CFAP20DC: variants seen among roughly 807,000 people sequenced by gnomAD.
CFAP20DC encodes the protein CFAP20 domain containing, also known as protein CFAP20DC.
A neutral mutation model predicts 101.7 loss-of-function variants in CFAP20DC; 84 were observed. The ratio of observed to expected loss-of-function variants is 0.83; its 90% CI spans 0.69 to 0.99. The LOEUF (loss-of-function observed/expected upper bound fraction) is 0.99, where lower values mean the gene tolerates loss of function less well. Ranked by LOEUF, CFAP20DC falls within the 50% of genes least tolerant of loss-of-function variation. The pLI, the probability that CFAP20DC is intolerant of heterozygous loss-of-function variation, is 0.00. For missense variants in CFAP20DC, 1,007 were observed against 970.3 expected, an observed-to-expected ratio of 1.04 and a Z score of -0.50; for synonymous variants, 359 against 351.2, an observed-to-expected ratio of 1.02 and a Z score of -0.25.
chr3:58,820,818 A>G (rs1460862477), intron 14 of CFAP20DC, among the ~76,000 whole-genome samples: 4 of 148,848 alleles, frequency 2.7e-5, no homozygotes, highest in African/African-American at 1.0e-4. Context: ...GGAACCAAAA[A>G]AGAGCCCGCA....
intron 13 of CFAP20DC, among the ~76,000 whole-genome samples, chr3:58,842,843 G>C (rs1180215527): frequency 6.6e-6 from 1 of 152,216 alleles, no homozygotes; most frequent in Admixed American, 6.5e-5. Flanking sequence ...CTCCTCAAGT[G>C]GGTCCCTGAC....
intron 4 of CFAP20DC, among the ~76,000 whole-genome samples, chr3:58,972,911 C>G (rs1211255142): frequency 1.3e-5 from 2 of 152,124 alleles, no homozygotes; most frequent in African/African-American, 4.8e-5. Context: ...AAGTATAATA[C>G]AGTACACAGC....
Position 58,862,934 on chromosome 3 carries a change from AT to A in CFAP20DC, c.1593+623del, listed in dbSNP as rs1021398498. 1.4e-5 allele frequency: 14 copies of A among 971,474 alleles called. No individual in the cohort carries two copies. The Admixed American group carries it at 2.5e-4, about 17-fold the overall frequency. 60.2% of individuals were successfully genotyped at this position (971,474 alleles called of 1,614,324 possible). On this transcript the variant is annotated intron_variant, in intron 12 of 16. Coordinates refer to ENST00000482387, the MANE Select transcript of CFAP20DC (RefSeq NM_001394063.1). The stretch of plus-strand genomic sequence containing the variant: ...ATATTTCCAAATTATATTCAGTTTG[AT>A]TTGAAACATTTTAAAACTTTTTACG...
At chr3:59,010,036 C>G (rs1019676977) in intron 4 of CFAP20DC, among the ~76,000 whole-genome samples, 2 of 152,060 alleles carry the variant, frequency 1.3e-5, no homozygotes, top group Non-Finnish European at 2.9e-5. Flanking sequence ...CAACCCAGTA[C>G]TACAAGAAAT....
At position 58,720,412 on chromosome 3, in the gene CFAP20DC, A is replaced by G. The variant is rs563422681; in HGVS notation, c.198-2784T>C. ...GTGATGGCCTTGATACAGGTTCTTG[A>G]TATAACATGGTGACTCTGAGGACCT... On this transcript the variant is annotated intron_variant, in intron 3 of 3. Transcript: ENST00000486145. Among the ~76,000 whole-genome samples the G allele has an allele frequency of 9.9e-5, 15 of 152,284 alleles. No individual in the cohort carries two copies. In the East Asian group the frequency reaches 2.3e-3, roughly 24 times the overall value.
intron 15 of CFAP20DC, among the ~76,000 whole-genome samples, chr3:58,794,745 T>C (rs890471188): frequency 6.6e-6 from 1 of 152,198 alleles, no homozygotes; most frequent in African/African-American, 2.4e-5. Context: ...TTTGGCACTG[T>C]TCTGAAGATG....
At chr3:58,890,208 G>A (rs565652946) in intron 6 of CFAP20DC, among the ~76,000 whole-genome samples, 62 of 148,136 alleles carry the variant, frequency 4.2e-4, no homozygotes, top group African/African-American at 1.4e-3. Flanking sequence ...CCTCCCGGAC[G>A]GGGCGGCTGG....
chr3:58,940,364 C>A (rs1021789071), intron 4 of CFAP20DC, among the ~76,000 whole-genome samples: 2 of 152,218 alleles, frequency 1.3e-5, no homozygotes, highest in Non-Finnish European at 2.9e-5. Context: ...CCTGCCCAGG[C>A]TAAAGTTGCA....
chr3:58,769,270 A>G (rs1044879820), intron 15 of CFAP20DC, among the ~76,000 whole-genome samples: 2 of 152,184 alleles, frequency 1.3e-5, no homozygotes, highest in African/African-American at 4.8e-5. Context: ...AAGGAAGTCC[A>G]TTGATGTAGT....
chr3:58,851,241 A>G (rs1183707771), intron 12 of CFAP20DC, among the ~76,000 whole-genome samples: 2 of 152,178 alleles, frequency 1.3e-5, no homozygotes, highest in Non-Finnish European at 2.9e-5. Flanking sequence ...GTATACGTTT[A>G]TGGATACTGT....
Position 58,863,437 on chromosome 3 carries a change from T to G in CFAP20DC, c.1593+121A>C. ...ATGCAACTGTGGACTGACATGGCAATCTGTTGCATTTTTATAAATAGCAGT... is the reference window on the plus strand; with the variant it reads ...ATGCAACTGTGGACTGACATGGCAAGCTGTTGCATTTTTATAAATAGCAGT... On this transcript the variant is annotated intron_variant, in intron 12 of 16. Transcript: ENST00000482387. The surrounding 1 kb of genome is among the most constrained non-coding windows in gnomAD (Gnocchi z 5.9). 6.7e-7 allele frequency: 1 copy of G among 1,481,654 alleles called. No homozygotes were observed. Among genetic ancestry groups the G allele is most frequent in the Non-Finnish European group, 8.9e-7 (1 of 1,119,528 alleles). The allele number at this position is 1,481,654 out of a possible 1,614,324, so 91.8% of individuals were successfully genotyped here. A position where few individuals can be genotyped will look rare whatever the true frequency, so the allele number is the denominator to read the frequency against.
intron 6 of CFAP20DC, among the ~76,000 whole-genome samples, chr3:58,895,718 T>C (rs1298874432): frequency 6.6e-6 from 1 of 152,178 alleles, no homozygotes; most frequent in African/African-American, 2.4e-5. Flanking sequence ...GCTGTTTTCA[T>C]GCTACTGATA....
At chr3:58,808,631 C>T (rs888587347) in intron 14 of CFAP20DC, among the ~76,000 whole-genome samples, 5 of 152,110 alleles carry the variant, frequency 3.3e-5, no homozygotes, top group Admixed American at 1.3e-4. Context: ...TAAAGACCAT[C>T]GAGGCTAGGA....
intron 3 of CFAP20DC, among the ~76,000 whole-genome samples, chr3:58,725,110 G>C (rs892594804): frequency 6.6e-6 from 1 of 152,186 alleles, no homozygotes; most frequent in African/African-American, 2.4e-5. Context: ...ATCACTTCAA[G>C]TTTGAAACAA....
chr3:58,783,257 C>G (rs139606916), intron 15 of CFAP20DC, among the ~76,000 whole-genome samples: 3 of 151,918 alleles, frequency 2.0e-5, no homozygotes, highest in Admixed American at 2.0e-4. Context: ...ATGCCTACTT[C>G]TCATCATATA....
In CFAP20DC at chr3:59,046,499, T is replaced by C. The variant is rs376894467; in HGVS notation, c.112-177A>G. On this transcript the variant is annotated intron_variant, in intron 2 of 16. Transcript: ENST00000482387. ...TGCTGGGAACTAGAATACGGAGGCATGGTGAAAGGACAAAGAGCAAGGGCA... is the reference window on the plus strand; with the variant it reads ...TGCTGGGAACTAGAATACGGAGGCACGGTGAAAGGACAAAGAGCAAGGGCA... Among the ~76,000 whole-genome samples, 8 of 152,194 alleles carry C rather than the reference T, an allele frequency of 5.3e-5. No individual in the cohort carries two copies. In the East Asian group the frequency reaches 1.4e-3, roughly 26 times the overall value.
chr3:58,757,876 T>A (rs1185517117), intron 15 of CFAP20DC, among the ~76,000 whole-genome samples: 1 of 152,154 alleles, frequency 6.6e-6, no homozygotes, highest in Admixed American at 6.6e-5. Context: ...TTTTACTAAG[T>A]AAGCATTTAC....
In CFAP20DC at chr3:58,865,386, C is replaced by A. The variant is rs535608581; in HGVS notation, c.1258+1180G>T. ...GGCTACCATTACATAACATAACTTA[C>A]CTGTAAAAAGGGTGATCAATGTATA... On this transcript the variant is annotated intron_variant, in intron 11 of 16. Coordinates refer to ENST00000482387, the MANE Select transcript of CFAP20DC (RefSeq NM_001394063.1). Among the ~76,000 whole-genome samples the A allele has an allele frequency of 2.6e-5, 4 of 152,270 alleles. No individual in the cohort carries two copies. The East Asian group carries it at 7.7e-4, about 29-fold the overall frequency.
chr3:59,023,900 G>A (rs1215840501), intron 4 of CFAP20DC, among the ~76,000 whole-genome samples: 1 of 152,016 alleles, frequency 6.6e-6, no homozygotes, highest in Non-Finnish European at 1.5e-5. Context: ...AGGGAGCAAT[G>A]GCATCCTCTA....
Sources: gnomAD v4.1 joint callset for allele counts (sites outside exome capture counted in the v4.1 genomes callset) on GRCh38, gnomAD v4.1.1 for gene constraint, Gnocchi (gnomAD v3.1) non-coding constraint, MANE v1.5 for transcripts, NCBI Gene and HGNC (gene_info 2026-07-23, HGNC 2026-07-21) for gene names.